MGRN1: variants seen among roughly 807,000 people sequenced by gnomAD.
MGRN1 encodes the protein mahogunin ring finger 1.
A neutral mutation model predicts 69.2 loss-of-function variants in MGRN1; 29 were observed. The observed-to-expected ratio is 0.42, with a 90% confidence interval of 0.31 to 0.57. The LOEUF (loss-of-function observed/expected upper bound fraction) is 0.57. MGRN1 is among the 20% of genes least tolerant of loss of function. MGRN1 has a pLI of 0.15. For synonymous variants in MGRN1, 470 were observed against 344.2 expected (o/e 1.37, Z -4.04); for missense variants, 998 against 796.2 (o/e 1.25, Z -3.05).
chr16:4,677,407 C>A (rs970542512), intron 10 of MGRN1, 56 bp from the exon 11 acceptor site: 1 of 1,386,036 alleles, frequency 7.2e-7, no homozygotes, highest in Non-Finnish European at 9.6e-7. Flanking sequence ...CTGGGAGGGT[C>A]CCCTCGGGGC....
intron 1 of MGRN1, among the ~76,000 whole-genome samples, chr16:4,637,138 AAAAT>A (rs1898341732): frequency 6.7e-6 from 1 of 150,040 alleles, no homozygotes; most frequent in Admixed American, 6.7e-5. Flanking sequence ...AAAAAAAAAA[AAAAT>A]TGAGTGGCCA....
At chr16:4,663,295 C>T (rs138627882) in intron 5 of MGRN1, among the ~76,000 whole-genome samples, 2,273 of 151,190 alleles carry the variant, frequency 0.015, 32 homozygotes, top group Non-Finnish European at 0.023. Flanking sequence ...AACTGCTGAC[C>T]TCAGGTGATC....
intron 5 of MGRN1, among the ~76,000 whole-genome samples, chr16:4,657,609 G>C (rs1228435659): frequency 2.0e-5 from 3 of 152,220 alleles, no homozygotes; most frequent in Non-Finnish European, 4.4e-5. Flanking sequence ...TCAGACACTG[G>C]GGTTTGGGGA....
chr16:4,652,878 G>A, intron 4 of MGRN1, 54 bp downstream of exon 4: 1 of 1,527,420 alleles, frequency 6.5e-7, no homozygotes, highest in Non-Finnish European at 8.8e-7. Flanking sequence ...AGACTCCTGG[G>A]GGAGGCTTCT....
At position 4,688,961 on chromosome 16, in the gene MGRN1, G is replaced by C; in HGVS notation, c.*53G>C. ...CCCTCGGCTCCCCAGACTTTGCCGA[G>C]GGGCTGCTCCGGACCCCGTTGTGAG... On this transcript the variant is annotated 3_prime_UTR_variant, in exon 17 of 17. Coordinates refer to ENST00000262370, the MANE Select transcript of MGRN1 (RefSeq NM_015246.4). 6.7e-7 allele frequency: 1 copy of C among 1,499,142 alleles called. No individual in the cohort carries two copies. Among genetic ancestry groups the C allele is most frequent in the East Asian group, 2.5e-5 (1 of 40,056 alleles). 92.9% of individuals were successfully genotyped at this position (1,499,142 alleles called of 1,614,324 possible). A position where few individuals can be genotyped will look rare whatever the true frequency, so the allele number is the denominator to read the frequency against.
intron 1 of MGRN1, among the ~76,000 whole-genome samples, chr16:4,647,885 C>G (rs1437588998): frequency 1.3e-5 from 2 of 152,128 alleles, no homozygotes; most frequent in Non-Finnish European, 2.9e-5. Flanking sequence ...AGCAGCCATG[C>G]TGGGCACCTG....
chr16:4,664,017 T>C (rs1365298362), intron 5 of MGRN1: 2 of 152,590 alleles, frequency 1.3e-5, no homozygotes, highest in Middle Eastern at 3.1e-3. Flanking sequence ...TGACCAGCAC[T>C]TCCCCTCAGA....
chr16:4,644,315 T>G lies in MGRN1; in HGVS notation c.89-6050T>G, dbSNP rs999750437. 2.7e-5 allele frequency among the ~76,000 whole-genome samples: 4 copies of G among 149,248 alleles called. No individual in the cohort carries two copies. The East Asian group carries it at 5.9e-4, about 22-fold the overall frequency. On this transcript the variant is annotated intron_variant, in intron 1 of 16. Coordinates refer to ENST00000262370, the MANE Select transcript of MGRN1 (RefSeq NM_015246.4). Reference sequence around the variant, plus strand: ...ACCCCTCAATTACCAGTTTTTTTTTTTTTTTTTTTTTGATGGAGTTTCACT... The same window carrying G: ...ACCCCTCAATTACCAGTTTTTTTTTGTTTTTTTTTTTGATGGAGTTTCACT...
chr16:4,627,424 G>A (rs1249352688), intron 1 of MGRN1, among the ~76,000 whole-genome samples: 1 of 152,248 alleles, frequency 6.6e-6, no homozygotes, highest in Non-Finnish European at 1.5e-5. Context: ...TTATTGAGAT[G>A]TAGTTCATGT....
chr16:4,663,123 G>C (rs142017933), intron 5 of MGRN1, among the ~76,000 whole-genome samples: 5,209 of 152,286 alleles, frequency 0.034, 306 homozygotes, highest in African/African-American at 0.12. Context: ...GAGTGCAGTG[G>C]TGTGATCTCG....
intron 5 of MGRN1, 108 bp downstream of exon 5, chr16:4,657,471 A>C: frequency 8.9e-7 from 1 of 1,123,176 alleles, no homozygotes; most frequent in Non-Finnish European, 1.3e-6. Flanking sequence ...TCCAGGGTTC[A>C]TAAGACCTGG....
intron 11 of MGRN1, among the ~76,000 whole-genome samples, chr16:4,679,443 A>T (rs1201586253): frequency 2.0e-5 from 3 of 152,228 alleles, no homozygotes; most frequent in African/African-American, 7.2e-5. Flanking sequence ...GAGCAAAAGC[A>T]AACGCTCCTC....
At position 4,673,635 on chromosome 16, in the gene MGRN1, C is replaced by T; in HGVS notation, c.933C>T (p.Asn311=). ...SCADTLRYQA[N]NCPICRLPFR... ...CCGACACGCTGCGCTACCAGGCCAA[C>T]AACTGCCCCATCTGCCGGCTGCGTG... The change falls in exon 10 of 17, where the codon AAC becomes AAT. Residue 311 remains asparagine, a synonymous_variant. Transcript: ENST00000262370. 6.2e-7 allele frequency: 1 copy of T among 1,613,372 alleles called. No homozygotes were observed. The highest frequency in any genetic ancestry group is 8.5e-7 in the Non-Finnish European group (1 of 1,179,828).
chr16:4,688,373 C>T (rs2079381485), intron 16 of MGRN1: 2 of 1,000,382 alleles, frequency 2.0e-6, no homozygotes, highest in Non-Finnish European at 2.4e-6. Flanking sequence ...TTGTTCTCAC[C>T]CAGGGCCGCT....
intron 7 of MGRN1, among the ~76,000 whole-genome samples, chr16:4,666,561 G>A (rs922506313): frequency 9.9e-5 from 15 of 152,206 alleles, no homozygotes; most frequent in African/African-American, 2.7e-4. Flanking sequence ...GGCTGTCTGC[G>A]GTAGACTGCC....
At chr16:4,686,089 G>A (rs749338349) in intron 16 of MGRN1, among the ~76,000 whole-genome samples, 21 of 48,672 alleles carry the variant, frequency 4.3e-4, no homozygotes, top group Non-Finnish European at 1.2e-3. Flanking sequence ...TTCTGGCTGC[G>A]CTCTGCCTCC....
At chr16:4,676,086 G>A (rs2079046924) in intron 10 of MGRN1, among the ~76,000 whole-genome samples, 1 of 152,262 alleles carries the variant, frequency 6.6e-6, no homozygotes, top group Non-Finnish European at 1.5e-5. Flanking sequence ...GCGTGGGGCT[G>A]TGCGAGGATG....
In MGRN1 at chr16:4,625,115, G is replaced by T. The variant is rs1386092; in HGVS notation, c.88+67G>T. On this transcript the variant is annotated intron_variant, in intron 1 of 16. Coordinates refer to ENST00000262370, the MANE Select transcript of MGRN1 (RefSeq NM_015246.4). ...GGAACGCGGACCCGGCGGGCGCGGG[G>T]GCGGGGACTCGGGGCGGGGCGCCCT... 1,148,676 of 1,419,900 alleles carry T rather than the reference G, an allele frequency of 0.81. 469,483 individuals are homozygous for T. Among genetic ancestry groups the T allele is most frequent in the East Asian group, 0.91 (28,876 of 31,842 alleles). The allele number at this position is 1,419,900 out of a possible 1,614,324, so 88.0% of individuals were successfully genotyped here. A position where few individuals can be genotyped will look rare whatever the true frequency, so the allele number is the denominator to read the frequency against.
chr16:4,659,940 C>G (rs748087942), intron 5 of MGRN1, among the ~76,000 whole-genome samples: 16 of 152,224 alleles, frequency 1.1e-4, no homozygotes, highest in Admixed American at 2.6e-4. Context: ...TCCGGAGATG[C>G]TTGGAGGCCG....
Sources: gnomAD v4.1 joint callset for allele counts (sites outside exome capture counted in the v4.1 genomes callset) on GRCh38, gnomAD v4.1.1 for gene constraint, MANE v1.5 for transcripts, NCBI Gene and HGNC (gene_info 2026-07-23, HGNC 2026-07-21) for gene names.